Variants in PTPRQ observed in about 807,000 individuals in gnomAD.
PTPRQ encodes the protein protein tyrosine phosphatase receptor type Q.
A neutral mutation model predicts 246.0 loss-of-function variants in PTPRQ; 199 were observed. The ratio of observed to expected loss-of-function variants is 0.81; its 90% CI spans 0.72 to 0.91. The LOEUF is 0.91. PTPRQ is among the 40% of genes least tolerant of loss of function. The pLI is 0.00. For synonymous variants in PTPRQ, 869 were observed against 853.2 expected, an observed-to-expected ratio of 1.02 and a Z score of -0.32; for missense variants, 2,624 against 2,528.4, an observed-to-expected ratio of 1.04 and a Z score of -0.81.
At position 80,613,825 on chromosome 12, in the gene PTPRQ, T is replaced by C; in HGVS notation, c.5152T>C (p.Tyr1718His). Reference sequence around the variant, plus strand: ...AGAAGGACTAAAAGGTGGACATACATACAATATCAGTGTAAGAATCCGTAG... The same window carrying C: ...AGAAGGACTAAAAGGTGGACATACACACAATATCAGTGTAAGAATCCGTAG... Reference protein sequence around the residue: ...MLEGLKGGHTYNISVYAVNSA... With the variant: ...MLEGLKGGHTHNISVYAVNSA... The change falls in exon 29 of 45, where the codon TAC becomes CAC. Residue 1718 changes from tyrosine (Y) to histidine (H), a missense_variant. By Grantham distance (83) the Tyr-to-His change is moderately conservative. Transcript: ENST00000644991. 1.3e-6 allele frequency: 2 copies of C among 1,531,162 alleles called. No homozygotes were observed. Among genetic ancestry groups the C allele is most frequent in the Non-Finnish European group, 1.8e-6 (2 of 1,136,672 alleles). The allele number at this position is 1,531,162 out of a possible 1,614,324, so 94.8% of individuals were successfully genotyped here.
intron 27 of PTPRQ, among the ~76,000 whole-genome samples, chr12:80,609,845 G>A (rs530347230): frequency 8.0e-5 from 12 of 150,520 alleles, no homozygotes; most frequent in South Asian, 4.1e-4. Context: ...CATAAGATAC[G>A]TATATATTTT....
chr12:80,614,046 C>T (rs1898655754), intron 29 of PTPRQ, among the ~76,000 whole-genome samples: 3 of 150,092 alleles, frequency 2.0e-5, no homozygotes, highest in African/African-American at 7.3e-5. Context: ...ATGTAAATAA[C>T]CAAGAAGTTT....
chr12:80,498,875 A>G (rs1406182119), intron 14 of PTPRQ, among the ~76,000 whole-genome samples: 1 of 140,996 alleles, frequency 7.1e-6, no homozygotes, highest in Non-Finnish European at 1.5e-5. Flanking sequence ...TATTACATGC[A>G]CATAATCTTT....
At chr12:80,473,848 TATAAAA>T (rs1215464841) in intron 8 of PTPRQ, among the ~76,000 whole-genome samples, 1 of 152,258 alleles carries the variant, frequency 6.6e-6, no homozygotes, top group Non-Finnish European at 1.5e-5. Flanking sequence ...ATTTGCCCTC[TATAAAA>T]AGCAATTTGT....
At chr12:80,637,561 C>A (rs1374287056) in intron 35 of PTPRQ, among the ~76,000 whole-genome samples, 1 of 152,084 alleles carries the variant, frequency 6.6e-6, no homozygotes, top group Non-Finnish European at 1.5e-5. Context: ...ATTCCAATGG[C>A]ACATAATAAC....
In PTPRQ at chr12:80,628,898, T is replaced by C. The variant is rs115926985; in HGVS notation, c.5687-3294T>C. Among the ~76,000 whole-genome samples the C allele has an allele frequency of 9.6e-3, 1,456 of 151,642 alleles. 32 individuals carry two copies. Among genetic ancestry groups the C allele is most frequent in the African/African-American group, 0.033 (1,355 of 41,272 alleles). ...TCTTTCAATTTTAAATAGTGTGCTG[T>C]GTTAGTCTGCTCAGGCTGCCATCAC... On this transcript the variant is annotated intron_variant, in intron 33 of 44. Transcript: ENST00000644991.
intron 14 of PTPRQ, among the ~76,000 whole-genome samples, chr12:80,501,520 A>G (rs1894798376): frequency 6.6e-6 from 1 of 151,930 alleles, no homozygotes; most frequent in African/African-American, 2.4e-5. Context: ...GCTCAGGGAA[A>G]AGATACAGAG....
At chr12:80,581,042 C>G (rs533673552) in intron 25 of PTPRQ, among the ~76,000 whole-genome samples, 2 of 152,260 alleles carry the variant, frequency 1.3e-5, no homozygotes, top group Admixed American at 6.5e-5. Flanking sequence ...ACCAGCTATC[C>G]TAAAATCTGA....
intron 3 of PTPRQ, among the ~76,000 whole-genome samples, chr12:80,449,694 G>T (rs972709273): frequency 1.3e-5 from 2 of 152,010 alleles, no homozygotes; most frequent in African/African-American, 4.8e-5. Context: ...GTAGATATGC[G>T]GCATGATTTC....
chr12:80,486,372 C>A (rs917091579), intron 9 of PTPRQ, among the ~76,000 whole-genome samples: 2 of 152,102 alleles, frequency 1.3e-5, no homozygotes, highest in South Asian at 2.1e-4. Context: ...TTTATTAGAT[C>A]AGACTCATTT....
intron 35 of PTPRQ, among the ~76,000 whole-genome samples, chr12:80,646,869 ATATT>A (rs1033101971): frequency 8.5e-5 from 13 of 152,214 alleles, no homozygotes; most frequent in African/African-American, 2.4e-4. Context: ...AAAAAAATGT[ATATT>A]TATTCAATTA....
chr12:80,493,850 A>G (rs1894527273), intron 10 of PTPRQ, among the ~76,000 whole-genome samples: 1 of 152,030 alleles, frequency 6.6e-6, no homozygotes, highest in Admixed American at 6.6e-5. Context: ...TCAGAAAGTT[A>G]CAAATCTAGT....
In PTPRQ at chr12:80,506,717, C is replaced by T. The variant is rs770515827; in HGVS notation, c.2557+47C>T. 16 of 1,475,084 alleles carry T rather than the reference C, an allele frequency of 1.1e-5. No homozygotes were observed. In the South Asian group the frequency reaches 2.1e-4, roughly 19 times the overall value. 91.4% of individuals were successfully genotyped at this position (1,475,084 alleles called of 1,614,324 possible). ...GATATACTTTGATTCTATAACATTCCAAGAAACACACGTATAGAATGAAAC... is the reference window on the plus strand; with the variant it reads ...GATATACTTTGATTCTATAACATTCTAAGAAACACACGTATAGAATGAAAC... On this transcript the variant is annotated intron_variant, in intron 16 of 44. Coordinates refer to ENST00000644991, the MANE Select transcript of PTPRQ (RefSeq NM_001145026.2).
intron 39 of PTPRQ, among the ~76,000 whole-genome samples, chr12:80,662,858 C>G (rs192176163): frequency 1.8e-3 from 281 of 152,068 alleles, no homozygotes; most frequent in Non-Finnish European, 3.0e-3. Context: ...AAAGTCCAGG[C>G]AAGAAGTTTC....
chr12:80,475,941 A>C (rs995534965), intron 8 of PTPRQ, among the ~76,000 whole-genome samples: 1 of 152,104 alleles, frequency 6.6e-6, no homozygotes, highest in African/African-American at 2.4e-5. Context: ...AATATTTGAT[A>C]TCTAACACAT....
Position 80,629,165 on chromosome 12 carries a change from C to G in PTPRQ, c.5687-3027C>G, listed in dbSNP as rs538965714. Among the ~76,000 whole-genome samples the G allele has an allele frequency of 6.2e-3, 933 of 151,118 alleles. 9 individuals are homozygous for G. The highest frequency in any genetic ancestry group is 0.022 in the African/African-American group (896 of 41,244). Reference sequence around the variant, plus strand: ...AAGGAGTGAGTGGCACACACACACACACACACACAGAGAGAGAGAAAGAGA... The same window carrying G: ...AAGGAGTGAGTGGCACACACACACAGACACACACAGAGAGAGAGAAAGAGA... On this transcript the variant is annotated intron_variant, in intron 33 of 44. Coordinates refer to ENST00000644991, the MANE Select transcript of PTPRQ (RefSeq NM_001145026.2).
In PTPRQ at chr12:80,542,163, C is replaced by T; in HGVS notation, c.3520C>T (p.Pro1174Ser). The T allele has an allele frequency of 6.4e-7, 1 of 1,550,920 alleles. No individual in the cohort carries two copies. The highest frequency in any genetic ancestry group is 8.7e-7 in the Non-Finnish European group (1 of 1,146,630). The part of the protein sequence containing the change: ...STSVLLSWDP[P>S]VKPNGAIISY... ...CTCAGTTCTCTTATCATGGGATCCCCCAGTAAAGCCAAATGGTGCAATAAT... is the reference window on the plus strand; with the variant it reads ...CTCAGTTCTCTTATCATGGGATCCCTCAGTAAAGCCAAATGGTGCAATAAT... The change falls in exon 22 of 45, where the codon CCA (proline) becomes TCA (serine). Residue 1174 changes from proline (P) to serine (S), a missense_variant. Transcript: ENST00000644991.
At position 80,588,389 on chromosome 12, in the gene PTPRQ, G is replaced by T. The variant is rs758515045; in HGVS notation, c.4546G>T (p.Ala1516Ser). Reference sequence around the variant, plus strand: ...TAGATGGTATAGATTCCAAGTGGCTGCCAGCACCAATGCTGGCTATGGCAA... The same window carrying T: ...TAGATGGTATAGATTCCAAGTGGCTTCCAGCACCAATGCTGGCTATGGCAA... ...KFRWYRFQVAASTNAGYGNAS... is the reference protein window; with the variant it reads ...KFRWYRFQVASSTNAGYGNAS... The change falls in exon 26 of 45, where the codon GCC becomes TCC. Residue 1516 changes from alanine (A) to serine (S), a missense_variant. Ala to Ser is a moderately conservative substitution (Grantham distance 99, BLOSUM62 1). Coordinates refer to ENST00000644991, the MANE Select transcript of PTPRQ (RefSeq NM_001145026.2). 10 of 1,529,582 alleles carry T rather than the reference G, an allele frequency of 6.5e-6. No individual in the cohort carries two copies. The highest frequency in any genetic ancestry group is 4.2e-5 in the Admixed American group (2 of 48,186). The allele number at this position is 1,529,582 out of a possible 1,614,324, so 94.8% of individuals were successfully genotyped here.
chr12:80,585,627 G>T (rs888155382), intron 25 of PTPRQ, among the ~76,000 whole-genome samples: 7 of 152,000 alleles, frequency 4.6e-5, no homozygotes, highest in Non-Finnish European at 1.0e-4. Flanking sequence ...AATATACCAG[G>T]CATGCCTCCA....
Sources: gnomAD v4.1 joint callset for allele counts (sites outside exome capture counted in the v4.1 genomes callset) on GRCh38, gnomAD v4.1.1 for gene constraint, MANE v1.5 for transcripts, NCBI Gene and HGNC (gene_info 2026-07-23, HGNC 2026-07-21) for gene names.